ANXA6: variants seen among roughly 807,000 people sequenced by gnomAD.
ANXA6 encodes annexin A6, also known as 67 kDa calelectrin.
Under a neutral mutation model 95.4 loss-of-function variants are expected in ANXA6, and 71 were observed. The observed-to-expected ratio is 0.74, with a 90% CI of 0.61 to 0.91. ANXA6 has a LOEUF of 0.91. Among genes scored for constraint, ANXA6 ranks in the 40% least tolerant of loss-of-function variants. The probability of loss-of-function intolerance (pLI) is 0.00; values close to 1 mark genes in which losing one functional copy is unlikely to be tolerated. For synonymous variants in ANXA6, 289 were observed against 315.9 expected (o/e 0.91, Z 0.90); for missense variants, 830 against 876.4 (o/e 0.95, Z 0.67).
chr5:151,139,595 A>G (rs2113945236), intron 3 of ANXA6, 148 bp from the exon 4 acceptor site: 1 of 671,112 alleles, frequency 1.5e-6, no homozygotes, highest in Non-Finnish European at 2.7e-6. Flanking sequence ...GTCAGGGCAG[A>G]GGGTCATGGG....
Position 151,101,423 on chromosome 5 carries a change from A to T in ANXA6, c.*25T>A, listed in dbSNP as rs1346467748. The stretch of plus-strand genomic sequence containing the variant: ...CTGGTGCTGATAACCATTTCTTGGC[A>T]GAAGTGCCCGCCAAAGCTGTGGCCC... On this transcript the variant is annotated 3_prime_UTR_variant, in exon 26 of 26. Coordinates refer to ENST00000354546, the MANE Select transcript of ANXA6 (RefSeq NM_001155.5). The T allele has an allele frequency of 1.3e-6, 2 of 1,541,962 alleles. No homozygotes were observed. The highest frequency in any genetic ancestry group is 4.0e-5 in the Admixed American group (2 of 49,660).
At chr5:151,119,949 G>A (rs189385778) in intron 17 of ANXA6, among the ~76,000 whole-genome samples, 62 of 152,098 alleles carry the variant, frequency 4.1e-4, no homozygotes, top group African/African-American at 1.4e-3. Context: ...GCATGATTAC[G>A]GCTCACTGCA....
At chr5:151,115,595 G>C (rs79312589) in intron 20 of ANXA6, among the ~76,000 whole-genome samples, 3,069 of 152,260 alleles carry the variant, frequency 0.02, 108 homozygotes, top group African/African-American at 0.069. Flanking sequence ...TTTGGGGTGA[G>C]AGCTGAGATT....
Position 151,101,197 on chromosome 5 carries a change from A to G in ANXA6, c.*251T>C. 3.4e-6 allele frequency: 2 copies of G among 596,900 alleles called. No individual in the cohort carries two copies. The highest frequency in any genetic ancestry group is 6.0e-6 in the Non-Finnish European group (2 of 330,630). 37.0% of individuals were successfully genotyped at this position (596,900 alleles called of 1,614,324 possible). On this transcript the variant is annotated 3_prime_UTR_variant, in exon 26 of 26. Coordinates refer to ENST00000354546, the MANE Select transcript of ANXA6 (RefSeq NM_001155.5). ...AAGGGGAGGAAGCTGGGAAAGCCTG[A>G]GGGTCAGAGGGGAGTGGAGGTGGAC...
At chr5:151,109,414 C>T (rs1312458036) in intron 22 of ANXA6, among the ~76,000 whole-genome samples, 2 of 152,154 alleles carry the variant, frequency 1.3e-5, no homozygotes, top group Admixed American at 1.3e-4. Flanking sequence ...TGGCAGGCAT[C>T]GCCAGTGAAT....
intron 13 of ANXA6, among the ~76,000 whole-genome samples, chr5:151,127,840 T>C (rs548522270): frequency 6.6e-6 from 1 of 152,264 alleles, no homozygotes; most frequent in East Asian, 1.9e-4. Context: ...CCTTTTCCCA[T>C]TTAACAGGTG....
At chr5:151,131,094 C>T (rs543354512) in intron 11 of ANXA6, 137 bp downstream of exon 11, 11 of 846,888 alleles carry the variant, frequency 1.3e-5, no homozygotes, top group East Asian at 5.2e-5. Flanking sequence ...AGCTCACCTG[C>T]GACAGAGCAC....
chr5:151,120,578 T>C (rs1765139889), intron 17 of ANXA6, among the ~76,000 whole-genome samples: 1 of 151,776 alleles, frequency 6.6e-6, no homozygotes. Context: ...AATTAGCTGG[T>C]CGTGGTGGCG....
At chr5:151,153,852 T>C (rs1766167744) in intron 1 of ANXA6, among the ~76,000 whole-genome samples, 1 of 152,202 alleles carries the variant, frequency 6.6e-6, no homozygotes, top group South Asian at 2.1e-4. Context: ...CATTGATTAA[T>C]AAGTAGAACA....
rs575228253 is a variant in ANXA6, at chr5:151,145,616, C to T, written c.18+2268G>A. Among the ~76,000 whole-genome samples the T allele has an allele frequency of 1.1e-4, 16 of 152,264 alleles. No individual in the cohort carries two copies. In the South Asian group the frequency reaches 2.5e-3, roughly 24 times the overall value. The stretch of plus-strand genomic sequence containing the variant: ...GAGCAGTTTGCTGTGTGCATGCACA[C>T]GTGTGTATACATGCATGCATGTGTG... On this transcript the variant is annotated intron_variant, in intron 2 of 25. Transcript: ENST00000354546.
At chr5:151,151,078 T>A (rs1314562113) in intron 1 of ANXA6, 1 of 152,226 alleles carries the variant, frequency 6.6e-6, no homozygotes, top group Non-Finnish European at 1.5e-5. Flanking sequence ...TGAGAGCAGT[T>A]TCTGTGTGCC....
chr5:151,129,701 G>GTTTGTTTA (rs59175524), intron 11 of ANXA6, among the ~76,000 whole-genome samples, 172 bp from the exon 12 acceptor site: 6,421 of 149,044 alleles, frequency 0.043, 324 homozygotes, highest in South Asian at 0.19. Context: ...TTACTGTTTT[G>GTTTGTTTA]TTTGTTTGTT....
chr5:151,114,040 G>C (rs1357612154), intron 20 of ANXA6, among the ~76,000 whole-genome samples: 1 of 152,184 alleles, frequency 6.6e-6, no homozygotes, highest in Non-Finnish European at 1.5e-5. Flanking sequence ...AAAAGGCCAC[G>C]TATTAATATC....
At chr5:151,115,824 C>T (rs765926220) in intron 20 of ANXA6, among the ~76,000 whole-genome samples, 27 of 152,172 alleles carry the variant, frequency 1.8e-4, no homozygotes, top group Non-Finnish European at 3.5e-4. Context: ...AAGGGTTGGA[C>T]AACTGGACAA....
Position 151,122,987 on chromosome 5 carries a change from T to A in ANXA6, c.1163A>T (p.Asp388Val), listed in dbSNP as rs757408656. ...GLGTDEDTII[D>V]IITHRSNVQR... is the part of the protein sequence containing the mutation. ...GACATTGCTGCGGTGCGTGATGATA[T>A]CGATGATTGTGTCTTCGTCAGTCCC... Residue 388 changes from aspartate to valine, a missense_variant, in exon 16 of 26, where the codon GAT becomes GTT. Transcript: ENST00000354546. 6.2e-7 allele frequency: 1 copy of A among 1,613,830 alleles called. No homozygotes were observed. The highest frequency in any genetic ancestry group is 8.5e-7 in the Non-Finnish European group (1 of 1,179,888).
chr5:151,153,624 G>C (rs1019085713), intron 1 of ANXA6, among the ~76,000 whole-genome samples: 4 of 152,180 alleles, frequency 2.6e-5, no homozygotes, highest in South Asian at 2.1e-4. Flanking sequence ...TGTCTGACTC[G>C]AGACTTTCAT....
rs1444994007 is a variant in ANXA6, at chr5:151,134,328, T to A, written c.546+99A>T. 5.2e-6 allele frequency: 6 copies of A among 1,156,630 alleles called. No homozygotes were observed. In the East Asian group the frequency reaches 1.2e-4, roughly 23 times the overall value. The allele number at this position is 1,156,630 out of a possible 1,614,324, so 71.6% of individuals were successfully genotyped here. On this transcript the variant is annotated intron_variant, in intron 8 of 25. Coordinates refer to ENST00000354546, the MANE Select transcript of ANXA6 (RefSeq NM_001155.5). ...TGGCTGGGTTATTTCTGGTATTTGATGCAAATGACTTCACCTCCAGCCCTT... is the reference window on the plus strand; with the variant it reads ...TGGCTGGGTTATTTCTGGTATTTGAAGCAAATGACTTCACCTCCAGCCCTT...
At chr5:151,107,749 C>A (rs1390776908) in intron 23 of ANXA6, among the ~76,000 whole-genome samples, 1 of 152,172 alleles carries the variant, frequency 6.6e-6, no homozygotes, top group Non-Finnish European at 1.5e-5. Flanking sequence ...TATTTATACA[C>A]GGTGGAATTA....
chr5:151,114,387 G>A (rs1220575282), intron 20 of ANXA6, among the ~76,000 whole-genome samples: 3 of 151,862 alleles, frequency 2.0e-5, no homozygotes, highest in East Asian at 1.9e-4. Context: ...TGAGGCGGGC[G>A]GATCACTTGA....
Sources: allele counts gnomAD v4.1 joint callset (sites outside exome capture counted in the v4.1 genomes callset), GRCh38; gene constraint gnomAD v4.1.1; transcripts MANE v1.5; gene names NCBI Gene and HGNC (gene_info 2026-07-23, HGNC 2026-07-21).